RFFL: variants seen among roughly 807,000 people sequenced by gnomAD.
The protein encoded by RFFL is ring finger and FYVE like domain containing E3 ubiquitin protein ligase, also known as E3 ubiquitin-protein ligase rififylin.
A neutral mutation model predicts 40.4 loss-of-function variants in RFFL; 16 were observed. The observed-to-expected ratio is 0.40, with a 90% confidence interval of 0.27 to 0.60. The LOEUF (loss-of-function observed/expected upper bound fraction) is 0.60, where lower values mean the gene tolerates loss of function less well. RFFL is among the 20% of genes least tolerant of loss of function. The probability of loss-of-function intolerance (pLI) is 0.47; values close to 1 mark genes in which losing one functional copy is unlikely to be tolerated. For synonymous variants in RFFL, 154 were observed against 167.9 expected, an observed-to-expected ratio of 0.92 and a Z score of 0.64; for missense variants, 367 against 451.7, an observed-to-expected ratio of 0.81 and a Z score of 1.70.
intron 1 of RFFL, among the ~76,000 whole-genome samples, chr17:35,084,107 C>T (rs937582583): frequency 6.6e-6 from 1 of 152,158 alleles, no homozygotes; most frequent in South Asian, 2.1e-4. Context: ...GGCGCAGTGG[C>T]GCGTGCCTGT....
chr17:35,013,446 T>C (rs1450099934), intron 6 of RFFL, among the ~76,000 whole-genome samples: 1 of 152,216 alleles, frequency 6.6e-6, no homozygotes, highest in Admixed American at 6.5e-5. Context: ...TCTTAAATTG[T>C]AGCCTGAAGT....
intron 2 of RFFL, 89 bp from the exon 3 acceptor site, chr17:35,021,870 G>T: frequency 7.9e-7 from 1 of 1,266,884 alleles, no homozygotes; most frequent in Non-Finnish European, 1.1e-6. Context: ...GCCAAGCCCA[G>T]CAGGATCTCC....
chr17:35,061,688 CTTTTTT>C (rs61100671), intron 1 of RFFL, among the ~76,000 whole-genome samples: 1 of 140,286 alleles, frequency 7.1e-6, no homozygotes, highest in African/African-American at 2.7e-5. Context: ...GTCTCAAACT[CTTTTTT>C]TTTTTTGATA....
chr17:35,035,684 T>C (rs1430554155), intron 1 of RFFL, among the ~76,000 whole-genome samples: 22 of 149,008 alleles, frequency 1.5e-4, no homozygotes. Flanking sequence ...TTTTACTCCA[T>C]ATATATATGT....
chr17:35,041,632 T>C (rs1007195179), intron 1 of RFFL, among the ~76,000 whole-genome samples: 2 of 149,708 alleles, frequency 1.3e-5, no homozygotes, highest in African/African-American at 4.9e-5. Flanking sequence ...TGTGTGTAAA[T>C]GGGGGAGGAC....
At chr17:35,065,756 A>C (rs1439559761), upstream of RFFL, among the ~76,000 whole-genome samples, 1 of 152,112 alleles carries the variant, frequency 6.6e-6, no homozygotes, top group East Asian at 1.9e-4. Flanking sequence ...AGTTTTAACC[A>C]ACTGCCCCAA....
intron 1 of RFFL, among the ~76,000 whole-genome samples, chr17:35,083,252 C>T (rs993864491): frequency 6.6e-6 from 1 of 152,166 alleles, no homozygotes; most frequent in African/African-American, 2.4e-5. Context: ...ATGAGATAAA[C>T]GAAGCTACTT....
intron 1 of RFFL, among the ~76,000 whole-genome samples, chr17:35,031,696 C>T (rs1422970108): frequency 6.6e-6 from 1 of 151,866 alleles, no homozygotes; most frequent in South Asian, 2.1e-4. Context: ...AATGAGGTGC[C>T]GCACATCCTA....
At chr17:35,078,687 G>A (rs1017339395) in intron 1 of RFFL, among the ~76,000 whole-genome samples, 19 of 152,172 alleles carry the variant, frequency 1.2e-4, no homozygotes, top group Non-Finnish European at 2.2e-4. Flanking sequence ...AAAGGGATAG[G>A]CTGGGTGCAG....
intron 3 of RFFL, among the ~76,000 whole-genome samples, chr17:35,019,823 T>A (rs746860947): frequency 6.6e-6 from 1 of 151,998 alleles, no homozygotes; most frequent in Non-Finnish European, 1.5e-5. Flanking sequence ...TAGGAAAGAA[T>A]TAAAGTCCAG....
At chr17:35,024,483 C>T (rs918980779) in intron 2 of RFFL, among the ~76,000 whole-genome samples, 4 of 152,144 alleles carry the variant, frequency 2.6e-5, no homozygotes, top group African/African-American at 9.7e-5. Flanking sequence ...CCGTCAGGGT[C>T]GCTGCTAAAC....
intron 1 of RFFL, chr17:35,074,186 T>TG (rs1478096244): frequency 6.6e-6 from 1 of 152,200 alleles, no homozygotes; most frequent in Non-Finnish European, 1.5e-5. Context: ...TCACTACATA[T>TG]GAAGTCCTGT....
At chr17:35,015,496 C>A (rs1052511912) in intron 5 of RFFL, among the ~76,000 whole-genome samples, 2 of 152,190 alleles carry the variant, frequency 1.3e-5, no homozygotes, top group African/African-American at 4.8e-5. Context: ...TTGAAACAAT[C>A]CCAAAGGGAA....
chr17:35,038,682 T>C (rs2091142323), intron 1 of RFFL, among the ~76,000 whole-genome samples: 1 of 152,238 alleles, frequency 6.6e-6, no homozygotes, highest in Admixed American at 6.5e-5. Context: ...TGATTCGTTT[T>C]ACATAAAATT....
intron 1 of RFFL, among the ~76,000 whole-genome samples, chr17:35,028,858 C>A (rs1296297413): frequency 1.3e-5 from 2 of 151,948 alleles, no homozygotes; most frequent in Non-Finnish European, 2.9e-5. Context: ...CCAACACTGC[C>A]TCCACTGCAC....
intron 1 of RFFL, among the ~76,000 whole-genome samples, chr17:35,061,294 A>C (rs1010116620): frequency 1.3e-5 from 2 of 152,224 alleles, no homozygotes; most frequent in African/African-American, 4.8e-5. Flanking sequence ...TAAGGGTCTG[A>C]ACTAGGAGTT....
intron 1 of RFFL, among the ~76,000 whole-genome samples, chr17:35,032,540 G>A (rs1362802376): frequency 6.6e-6 from 1 of 152,084 alleles, no homozygotes; most frequent in Non-Finnish European, 1.5e-5. Context: ...AAGCCCTCAG[G>A]AGGAGGCATG....
intron 1 of RFFL, among the ~76,000 whole-genome samples, chr17:35,045,058 C>T (rs2142350182): frequency 6.7e-6 from 1 of 149,554 alleles, no homozygotes; most frequent in South Asian, 2.1e-4. Flanking sequence ...TATACACTTC[C>T]TTATAACCAT....
At chr17:35,079,113 C>T (rs1364064810) in intron 1 of RFFL, among the ~76,000 whole-genome samples, 1 of 152,190 alleles carries the variant, frequency 6.6e-6, no homozygotes, top group African/African-American at 2.4e-5. Flanking sequence ...ATATCGATCC[C>T]TCCCAAATAA....
Sources: allele counts gnomAD v4.1 joint callset (sites outside exome capture counted in the v4.1 genomes callset), GRCh38; gene constraint gnomAD v4.1.1; transcripts MANE v1.5; gene names NCBI Gene and HGNC (gene_info 2026-07-23, HGNC 2026-07-21).